The following MYO5B variants were observed in gnomAD, a reference collection of about 807,000 sequenced individuals.
The protein encoded by MYO5B is myosin VB, also known as unconventional myosin-Vb.
MYO5B carries 143 observed loss-of-function variants against 229.3 expected under a neutral mutation model. That is an observed-to-expected ratio of 0.62 (90% CI 0.54 to 0.72). The LOEUF (loss-of-function observed/expected upper bound fraction) is 0.72. Ranked by LOEUF, MYO5B falls within the 30% of genes least tolerant of loss-of-function variation. MYO5B has a pLI of 0.00. For missense variants in MYO5B, 2,321 were observed against 2,331.0 expected, an observed-to-expected ratio of 1.00 and a Z score of 0.09; for synonymous variants, 918 against 885.2, an observed-to-expected ratio of 1.04 and a Z score of -0.66.
At chr18:49,904,357 C>T (rs796523974) in intron 20 of MYO5B, among the ~76,000 whole-genome samples, 13 of 152,354 alleles carry the variant, frequency 8.5e-5, no homozygotes, top group African/African-American at 2.6e-4. Context: ...TGGAAGCAGC[C>T]TGAGGCCCTC....
intron 4 of MYO5B, among the ~76,000 whole-genome samples, chr18:50,025,702 A>G (rs1357581104): frequency 6.6e-6 from 1 of 152,202 alleles, no homozygotes; most frequent in Admixed American, 6.5e-5. Context: ...ACTCTCAGTT[A>G]TATTCCCTAA....
At position 50,000,543 on chromosome 18, in the gene MYO5B, A is replaced by T. The variant is rs1417775563; in HGVS notation, c.612+712T>A. Among the ~76,000 whole-genome samples the T allele has an allele frequency of 1.3e-5, 2 of 152,220 alleles. 1 individual carries two copies. Among genetic ancestry groups the T allele is most frequent in the Admixed American group, 1.3e-4 (2 of 15,282 alleles). On this transcript the variant is annotated intron_variant, in intron 5 of 39. Transcript: ENST00000285039. ...CCATCAAAATGAAGGTTTCATACAGAAAAGGGGGAAAAAGAGACAGCATTC... is the reference window on the plus strand; with the variant it reads ...CCATCAAAATGAAGGTTTCATACAGTAAAGGGGGAAAAAGAGACAGCATTC...
At position 49,836,827 on chromosome 18, in the gene MYO5B, C is replaced by T. The variant is rs373990722; in HGVS notation, c.5197G>A (p.Ala1733Thr). The T allele has an allele frequency of 3.1e-6, 5 of 1,614,086 alleles. No individual in the cohort carries two copies. Among genetic ancestry groups the T allele is most frequent in the Non-Finnish European group, 4.2e-6 (5 of 1,180,038 alleles). The change falls in exon 38 of 40, where the codon GCA (alanine) becomes ACA (threonine). Residue 1733 changes from alanine to threonine, a missense_variant. Physicochemically the swap from Ala to Thr is moderately conservative, Grantham distance 58 (BLOSUM62 0). This residue lies in a region of MYO5B where 208 missense variants were observed against 286.3 expected (regional missense o/e 0.73). Coordinates refer to ENST00000285039, the MANE Select transcript of MYO5B (RefSeq NM_001080467.3). ...LRGRNLHQSGAVQTMEPLIQA... is the reference protein window; with the variant it reads ...LRGRNLHQSGTVQTMEPLIQA... Reference sequence around the variant, plus strand: ...ATCAGAGGTTCCATGGTCTGAACTGCTCCACTCTGGTGAAGGTTTCTTCCC... The same window carrying T: ...ATCAGAGGTTCCATGGTCTGAACTGTTCCACTCTGGTGAAGGTTTCTTCCC...
intron 1 of MYO5B, among the ~76,000 whole-genome samples, chr18:50,183,647 A>T (rs923244998): frequency 6.8e-6 from 1 of 146,798 alleles, no homozygotes; most frequent in African/African-American, 2.5e-5. Flanking sequence ...GAAATACCCA[A>T]TTTTAAGCTC....
At chr18:50,125,423 T>C (rs2032144740) in intron 1 of MYO5B, among the ~76,000 whole-genome samples, 1 of 150,944 alleles carries the variant, frequency 6.6e-6, no homozygotes, top group South Asian at 2.1e-4. Flanking sequence ...CTAATGTAAA[T>C]GACGAGTTAA....
At chr18:49,982,915 G>A (rs1435863247) in intron 8 of MYO5B, among the ~76,000 whole-genome samples, 2 of 145,942 alleles carry the variant, frequency 1.4e-5, no homozygotes, top group Admixed American at 1.3e-4. Flanking sequence ...TAGAGCCTTG[G>A]AGGGAGCAAT....
intron 1 of MYO5B, among the ~76,000 whole-genome samples, chr18:50,145,485 A>G: frequency 8.3e-6 from 1 of 120,434 alleles, no homozygotes; most frequent in Middle Eastern, 4.6e-3. Flanking sequence ...GCAACAGAGC[A>G]AGACTCCATC....
chr18:50,076,713 C>T (rs561231562), intron 1 of MYO5B, among the ~76,000 whole-genome samples: 29 of 152,304 alleles, frequency 1.9e-4, no homozygotes, highest in African/African-American at 7.0e-4. Context: ...TGGTCCACTG[C>T]CCCCGCTGCC....
At chr18:50,186,643 G>C (rs930051464) in intron 1 of MYO5B, among the ~76,000 whole-genome samples, 1 of 152,156 alleles carries the variant, frequency 6.6e-6, no homozygotes, top group East Asian at 1.9e-4. Context: ...AATGCTGACT[G>C]CCACCCAGCA....
At chr18:49,937,992 TG>T (rs1222133320) in intron 14 of MYO5B, among the ~76,000 whole-genome samples, 1 of 152,194 alleles carries the variant, frequency 6.6e-6, no homozygotes, top group African/African-American at 2.4e-5. Context: ...AATTTTGTAA[TG>T]TATGAATGAC....
intron 10 of MYO5B, among the ~76,000 whole-genome samples, chr18:49,970,414 A>T (rs1053009834): frequency 1.3e-5 from 2 of 152,170 alleles, no homozygotes; most frequent in Non-Finnish European, 2.9e-5. Flanking sequence ...AGGGCCTCTG[A>T]GCAGAGCACT....
At chr18:49,846,103 C>T (rs2024122850) in intron 33 of MYO5B, among the ~76,000 whole-genome samples, 1 of 152,190 alleles carries the variant, frequency 6.6e-6, no homozygotes, top group Non-Finnish European at 1.5e-5. Flanking sequence ...GGCTGGCAGG[C>T]CAGCCCTGAT....
chr18:49,937,015 T>A (rs1276123843), intron 15 of MYO5B, among the ~76,000 whole-genome samples: 1 of 152,144 alleles, frequency 6.6e-6, no homozygotes, highest in African/African-American at 2.4e-5. Context: ...GGCGTTAACA[T>A]ACTTATGGAG....
At chr18:50,118,534 T>A (rs929738343) in intron 1 of MYO5B, among the ~76,000 whole-genome samples, 2 of 152,224 alleles carry the variant, frequency 1.3e-5, no homozygotes, top group Non-Finnish European at 2.9e-5. Flanking sequence ...TTTGCATTTC[T>A]TTTTTTATTA....
At chr18:50,008,119 C>T (rs1485169326) in intron 4 of MYO5B, among the ~76,000 whole-genome samples, 1 of 152,168 alleles carries the variant, frequency 6.6e-6, no homozygotes, top group Non-Finnish European at 1.5e-5. Context: ...TTTAACAAAT[C>T]CCTCCATAAT....
chr18:50,112,149 T>C (rs2031875617), intron 1 of MYO5B, among the ~76,000 whole-genome samples: 1 of 152,032 alleles, frequency 6.6e-6, no homozygotes, highest in Admixed American at 6.6e-5. Context: ...GAAGTGGCAA[T>C]GGAGAAGCAA....
intron 1 of MYO5B, among the ~76,000 whole-genome samples, chr18:50,183,306 C>CATATATATATAT (rs71169486): frequency 0.04 from 4,372 of 108,768 alleles, 160 homozygotes; most frequent in South Asian, 0.052. Flanking sequence ...TCAATTTTAT[C>CATATATATATAT]ATATATATAT....
At chr18:49,837,861 A>G in intron 36 of MYO5B, 59 bp from the exon 37 acceptor site, 1 of 1,592,628 alleles carries the variant, frequency 6.3e-7, no homozygotes, top group South Asian at 1.1e-5. Context: ...CAAAGATTGG[A>G]CCACTCAAAT....
In MYO5B at chr18:49,980,567, A is replaced by G. The variant is rs1301573540; in HGVS notation, c.947-14T>C. On this transcript the variant is annotated splice_polypyrimidine_tract_variant and intron_variant, in intron 8 of 39. Transcript: ENST00000285039. The stretch of plus-strand genomic sequence containing the variant: ...ACTCTTTCACTCCTGGAAAAGAAAA[A>G]TGAATGGATGACACTCAGTATCCAT... 6.5e-7 allele frequency: 1 copy of G among 1,528,304 alleles called. No homozygotes were observed. Among genetic ancestry groups the G allele is most frequent in the East Asian group, 2.3e-5 (1 of 44,432 alleles). 94.7% of individuals were successfully genotyped at this position (1,528,304 alleles called of 1,614,324 possible).
Sources: gnomAD v4.1 joint callset for allele counts (sites outside exome capture counted in the v4.1 genomes callset) on GRCh38, gnomAD v4.1.1 for gene constraint, gnomAD v4.1.1 regional missense constraint, MANE v1.5 for transcripts, NCBI Gene and HGNC (gene_info 2026-07-23, HGNC 2026-07-21) for gene names.